The following PTPRD variants were observed in gnomAD, a reference collection of about 807,000 sequenced individuals.
PTPRD encodes the protein receptor-type tyrosine-protein phosphatase delta.
PTPRD carries 34 observed loss-of-function variants against 214.5 expected under a neutral mutation model. The observed-to-expected ratio is 0.16, with a 90% CI of 0.12 to 0.21. The LOEUF (loss-of-function observed/expected upper bound fraction) is 0.21. PTPRD is among the 10% of genes least tolerant of loss of function. PTPRD has a pLI of 1.00. For missense variants in PTPRD, 2,545 were observed against 2,398.7 expected (o/e 1.06, Z -1.27); for synonymous variants, 1,128 against 845.7 (o/e 1.33, Z -5.79).
intron 2 of PTPRD, among the ~76,000 whole-genome samples, chr9:10,497,837 A>T (rs1428913302): frequency 6.6e-6 from 1 of 152,046 alleles, no homozygotes; most frequent in African/African-American, 2.4e-5. Context: ...TTATAAAAAT[A>T]TCCACAGTCT....
intron 36 of PTPRD, among the ~76,000 whole-genome samples, chr9:8,390,504 T>C (rs1332456248): frequency 1.3e-5 from 2 of 152,048 alleles, no homozygotes; most frequent in African/African-American, 4.8e-5. Context: ...CAGCCCTTTA[T>C]ACTACTGATT....
chr9:9,645,394 C>G (rs1383211445), intron 7 of PTPRD, among the ~76,000 whole-genome samples: 1 of 150,908 alleles, frequency 6.6e-6, no homozygotes, highest in Non-Finnish European at 1.5e-5. Flanking sequence ...TTTGGGAAGA[C>G]TAATATAAGT....
intron 2 of PTPRD, among the ~76,000 whole-genome samples, chr9:10,581,521 A>T (rs550929324): frequency 8.5e-5 from 13 of 152,316 alleles, no homozygotes; most frequent in African/African-American, 2.9e-4. Flanking sequence ...TAATATTCAA[A>T]GAGTGATGAG....
chr9:9,281,560 C>A (rs553676405), intron 9 of PTPRD, among the ~76,000 whole-genome samples: 2 of 151,298 alleles, frequency 1.3e-5, no homozygotes, highest in South Asian at 4.2e-4. Context: ...TACTACACAC[C>A]TATATTAGAG....
chr9:9,003,962 G>A lies in PTPRD; in HGVS notation c.-104+14735C>T, dbSNP rs140403425. Among the ~76,000 whole-genome samples, 530 of 152,060 alleles carry A rather than the reference G, an allele frequency of 3.5e-3. 2 individuals carry two copies. Among genetic ancestry groups the A allele is most frequent in the African/African-American group, 0.012 (487 of 41,486 alleles). On this transcript the variant is annotated intron_variant, in intron 11 of 45. Coordinates refer to ENST00000381196, the MANE Select transcript of PTPRD (RefSeq NM_002839.4). ...TCTTATGGCCATTGCATTCCTAAAC[G>A]AACTCAATCTCTGGACTAGGTCTCA...
At chr9:8,840,068 A>C (rs997624449) in intron 11 of PTPRD, among the ~76,000 whole-genome samples, 1 of 152,228 alleles carries the variant, frequency 6.6e-6, no homozygotes. Flanking sequence ...AGATTATATT[A>C]CTTTTATGGC....
intron 5 of PTPRD, among the ~76,000 whole-genome samples, chr9:9,905,107 C>T (rs1370792923): frequency 2.0e-5 from 3 of 151,998 alleles, no homozygotes; most frequent in African/African-American, 7.2e-5. Context: ...AAGTAACTCA[C>T]CTTCCCATGC....
chr9:10,353,034 G>A (rs1413007287), intron 2 of PTPRD, among the ~76,000 whole-genome samples: 1 of 151,886 alleles, frequency 6.6e-6, no homozygotes, highest in African/African-American at 2.4e-5. Context: ...GGTATATATG[G>A]TAATTTGCCT....
intron 7 of PTPRD, among the ~76,000 whole-genome samples, chr9:9,724,212 T>G (rs2098030983): frequency 6.6e-6 from 1 of 152,178 alleles, no homozygotes; most frequent in African/African-American, 2.4e-5. Context: ...TTTAAAGTTG[T>G]CTCTGTTTCA....
intron 31 of PTPRD, among the ~76,000 whole-genome samples, chr9:8,467,662 G>T (rs530758152): frequency 6.6e-6 from 1 of 151,614 alleles, no homozygotes; most frequent in South Asian, 2.1e-4. Flanking sequence ...TAATGTTTAA[G>T]CTCTGATACT....
intron 10 of PTPRD, among the ~76,000 whole-genome samples, chr9:9,091,416 C>A (rs2099775661): frequency 6.6e-6 from 1 of 152,112 alleles, no homozygotes; most frequent in African/African-American, 2.4e-5. Context: ...AGTTTTATTC[C>A]TTTAAAAAAT....
chr9:9,325,762 T>C (rs2136229418), intron 9 of PTPRD, among the ~76,000 whole-genome samples: 1 of 152,314 alleles, frequency 6.6e-6, no homozygotes, highest in Non-Finnish European at 1.5e-5. Context: ...GGCATCCCTG[T>C]CTTGTGCCAG....
intron 3 of PTPRD, among the ~76,000 whole-genome samples, chr9:10,040,039 T>C (rs532248495): frequency 5.9e-5 from 9 of 152,180 alleles, no homozygotes; most frequent in East Asian, 1.9e-4. Context: ...TTTTCAGCAA[T>C]GCATGGCTTT....
intron 2 of PTPRD, among the ~76,000 whole-genome samples, chr9:10,448,091 T>C (rs2098812026): frequency 1.3e-5 from 2 of 152,032 alleles, no homozygotes; most frequent in Non-Finnish European, 2.9e-5. Context: ...CAAATATAAT[T>C]GAATTATTCA....
At chr9:9,790,932 T>C (rs565877625) in intron 5 of PTPRD, among the ~76,000 whole-genome samples, 1 of 152,286 alleles carries the variant, frequency 6.6e-6, no homozygotes, top group South Asian at 2.1e-4. Context: ...CTAGTTCAGT[T>C]TGAACAGGTC....
chr9:9,538,365 C>A (rs1015397418), intron 8 of PTPRD, among the ~76,000 whole-genome samples: 4 of 152,054 alleles, frequency 2.6e-5, no homozygotes, highest in African/African-American at 9.6e-5. Context: ...GTCTCCGAGA[C>A]AACCATTAAG....
At chr9:9,343,841 G>C (rs566281587) in intron 9 of PTPRD, among the ~76,000 whole-genome samples, 1 of 151,902 alleles carries the variant, frequency 6.6e-6, no homozygotes, top group Non-Finnish European at 1.5e-5. Flanking sequence ...TTTCTTCCCA[G>C]TTTCAACTAA....
At chr9:8,392,422 A>G (rs554480247) in intron 36 of PTPRD, among the ~76,000 whole-genome samples, 1 of 152,184 alleles carries the variant, frequency 6.6e-6, no homozygotes, top group South Asian at 2.1e-4. Context: ...GCTACCTGGG[A>G]GCCTGAGGTA....
intron 2 of PTPRD, among the ~76,000 whole-genome samples, chr9:10,525,477 C>T (rs2053957824): frequency 6.6e-6 from 1 of 152,100 alleles, no homozygotes; most frequent in East Asian, 1.9e-4. Flanking sequence ...CCAACAAAAA[C>T]TTAAGATTTC....
Sources: allele counts gnomAD v4.1 joint callset (sites outside exome capture counted in the v4.1 genomes callset), GRCh38; gene constraint gnomAD v4.1.1; transcripts MANE v1.5; gene names NCBI Gene and HGNC (gene_info 2026-07-23, HGNC 2026-07-21).